FAM227B: variants seen among roughly 807,000 people sequenced by gnomAD.
The protein encoded by FAM227B is family with sequence similarity 227 member B, also known as protein FAM227B.
Under a neutral mutation model 73.8 loss-of-function variants are expected in FAM227B, and 88 were observed. That is an observed-to-expected ratio of 1.19 (90% CI 1.00 to 1.42). The LOEUF (loss-of-function observed/expected upper bound fraction) is 1.42, where lower values mean the gene tolerates loss of function less well. Among genes scored for constraint, FAM227B ranks in the 40% most tolerant of loss-of-function variants. The pLI is 0.00. For missense variants in FAM227B, 632 were observed against 590.9 expected (o/e 1.07, Z -0.72); for synonymous variants, 210 against 190.5 (o/e 1.10, Z -0.84).
At chr15:49,337,205 T>C (rs1173048886) in intron 13 of FAM227B, among the ~76,000 whole-genome samples, 2 of 152,246 alleles carry the variant, frequency 1.3e-5, no homozygotes, top group East Asian at 3.8e-4. Flanking sequence ...TTTGAGTATA[T>C]ACCCAGTAAT....
At chr15:49,350,311 A>G (rs911476389) in intron 13 of FAM227B, among the ~76,000 whole-genome samples, 4 of 152,222 alleles carry the variant, frequency 2.6e-5, no homozygotes, top group Non-Finnish European at 5.9e-5. Flanking sequence ...ATGACCACAC[A>G]TGGCTAGTGG....
At chr15:49,610,109 A>G (rs1199880874) in intron 3 of FAM227B, among the ~76,000 whole-genome samples, 4 of 152,038 alleles carry the variant, frequency 2.6e-5, no homozygotes, top group Non-Finnish European at 5.9e-5. Context: ...GCAAAGGGAT[A>G]ACATATTTAC....
chr15:49,329,115 CA>C, intron 15 of FAM227B: 1 of 993,550 alleles, frequency 1.0e-6, no homozygotes, highest in Non-Finnish European at 1.2e-6. Context: ...GCTTGTCTAG[CA>C]AAGCTTGTTT....
At chr15:49,331,677 G>T in intron 15 of FAM227B, 103 bp downstream of exon 15, 1 of 720,392 alleles carries the variant, frequency 1.4e-6, no homozygotes. Context: ...TCCTGCCACT[G>T]TAATTTGGGT....
At chr15:49,383,057 T>C (rs1369961394) in intron 11 of FAM227B, among the ~76,000 whole-genome samples, 1 of 152,106 alleles carries the variant, frequency 6.6e-6, no homozygotes, top group Non-Finnish European at 1.5e-5. Flanking sequence ...CATTTTGAGG[T>C]GTTCCATTCT....
At chr15:49,407,764 T>A (rs1001304688) in intron 11 of FAM227B, among the ~76,000 whole-genome samples, 5 of 151,656 alleles carry the variant, frequency 3.3e-5, no homozygotes, top group Admixed American at 3.3e-4. Flanking sequence ...CTGCCAAAAG[T>A]ACATGATTGT....
chr15:49,355,586 T>G (rs963535656), intron 13 of FAM227B, among the ~76,000 whole-genome samples: 1 of 152,104 alleles, frequency 6.6e-6, no homozygotes, highest in African/African-American at 2.4e-5. Context: ...AATATGGGGC[T>G]ATGTGAAAAG....
At chr15:49,550,249 G>A (rs2072712719) in intron 9 of FAM227B, among the ~76,000 whole-genome samples, 1 of 144,576 alleles carries the variant, frequency 6.9e-6, no homozygotes, top group South Asian at 2.2e-4. Context: ...GGCTGGCCGG[G>A]CAGAGGGGCT....
chr15:49,430,390 A>G (rs914065742), intron 11 of FAM227B, among the ~76,000 whole-genome samples: 6 of 151,968 alleles, frequency 3.9e-5, no homozygotes, highest in Admixed American at 2.6e-4. Flanking sequence ...CTCCCAGATT[A>G]GGATCTCACC....
chr15:49,337,508 CTTTT>C (rs33973907), intron 13 of FAM227B, among the ~76,000 whole-genome samples: 53 of 36,092 alleles, frequency 1.5e-3, no homozygotes, highest in African/African-American at 5.8e-3. Context: ...CATTTACCCA[CTTTT>C]TTTTTTTTTT....
chr15:49,484,149 A>G (rs1455490795), intron 11 of FAM227B, among the ~76,000 whole-genome samples: 3 of 152,064 alleles, frequency 2.0e-5, no homozygotes, highest in Admixed American at 6.6e-5. Context: ...AATATACTAC[A>G]TAAGTATAGC....
At chr15:49,441,746 A>G (rs904993649) in intron 11 of FAM227B, among the ~76,000 whole-genome samples, 8 of 151,382 alleles carry the variant, frequency 5.3e-5, no homozygotes, top group African/African-American at 1.7e-4. Context: ...TTTATTACAC[A>G]TTTTCATAAT....
At chr15:49,352,580 T>A (rs1356087282) in intron 13 of FAM227B, among the ~76,000 whole-genome samples, 1 of 152,166 alleles carries the variant, frequency 6.6e-6, no homozygotes, top group Admixed American at 6.5e-5. Context: ...CCATATGTAT[T>A]TTCCTATTCT....
intron 10 of FAM227B, among the ~76,000 whole-genome samples, chr15:49,533,286 G>C (rs1033613669): frequency 6.6e-6 from 1 of 151,808 alleles, no homozygotes; most frequent in African/African-American, 2.4e-5. Flanking sequence ...TTGTTTTGTG[G>C]CCCAACATAT....
Position 49,517,095 on chromosome 15 carries a change from G to A in FAM227B, c.875-8747C>T, listed in dbSNP as rs76016707. 7.0e-3 allele frequency among the ~76,000 whole-genome samples: 1,059 copies of A among 152,290 alleles called. 18 individuals are homozygous for A. Among genetic ancestry groups the A allele is most frequent in the African/African-American group, 0.024 (1,011 of 41,578 alleles). On this transcript the variant is annotated intron_variant, in intron 10 of 15. Coordinates refer to ENST00000299338, the MANE Select transcript of FAM227B (RefSeq NM_152647.3). ...GGACTTCTAACTTCCAGAACTGTAA[G>A]ATATACATTTGTGTTGTTATAAATC...
At position 49,333,391 on chromosome 15, in the gene FAM227B, C is replaced by T. The variant is rs561764003; in HGVS notation, c.1350-1542G>A. Reference sequence around the variant, plus strand: ...AAATATGTATGTTTCAACAATGTGCCATTGCATTAATCATATTTGAATACT... The same window carrying T: ...AAATATGTATGTTTCAACAATGTGCTATTGCATTAATCATATTTGAATACT... On this transcript the variant is annotated intron_variant, in intron 14 of 15. Transcript: ENST00000299338. Among the ~76,000 whole-genome samples, 16 of 152,260 alleles carry T rather than the reference C, an allele frequency of 1.1e-4. No homozygotes were observed. In the South Asian group the frequency reaches 3.3e-3, roughly 32 times the overall value.
At chr15:49,578,086 T>C (rs1179274437) in intron 5 of FAM227B, among the ~76,000 whole-genome samples, 1 of 152,190 alleles carries the variant, frequency 6.6e-6, no homozygotes, top group African/African-American at 2.4e-5. Flanking sequence ...TTAGTTATGA[T>C]GGAGGCCTAA....
Position 49,508,271 on chromosome 15 carries a change from T to C in FAM227B, c.952A>G (p.Lys318Glu). Reference sequence around the variant, plus strand: ...TCCTTTACTGATTTTGCAGGTGCTTTTTTGCTACCATGAATGGTGGTTGTG... The same window carrying C: ...TCCTTTACTGATTTTGCAGGTGCTTCTTTGCTACCATGAATGGTGGTTGTG... The part of the protein sequence containing the change: ...LSTTTIHGSK[K>E]APAKSVKERI... The change falls in exon 11 of 16, where the codon AAA (lysine) becomes GAA (glutamate). Residue 318 changes from lysine (K) to glutamate (E), a missense_variant. Lys to Glu is a moderately conservative substitution (Grantham distance 56). Coordinates refer to ENST00000299338, the MANE Select transcript of FAM227B (RefSeq NM_152647.3). 1.2e-6 allele frequency: 2 copies of C among 1,611,348 alleles called. No homozygotes were observed. The highest frequency in any genetic ancestry group is 2.2e-5 in the East Asian group (1 of 44,594).
At chr15:49,418,806 T>C (rs1401603474) in intron 11 of FAM227B, among the ~76,000 whole-genome samples, 1 of 152,036 alleles carries the variant, frequency 6.6e-6, no homozygotes, top group Non-Finnish European at 1.5e-5. Flanking sequence ...AAAAGAAATA[T>C]GTGTTGGACC....
Sources: gnomAD v4.1 joint callset for allele counts (sites outside exome capture counted in the v4.1 genomes callset) on GRCh38, gnomAD v4.1.1 for gene constraint, MANE v1.5 for transcripts, NCBI Gene and HGNC (gene_info 2026-07-23, HGNC 2026-07-21) for gene names.